The following RCN2 variants were observed in gnomAD, a reference collection of about 807,000 sequenced individuals.
The protein encoded by RCN2 is reticulocalbin-2.
In RCN2, 23 loss-of-function variants were observed where a neutral mutation model predicts 37.5. The ratio of observed to expected loss-of-function variants is 0.61; its 90% CI spans 0.44 to 0.87. The LOEUF is 0.87. Among genes scored for constraint, RCN2 ranks in the 40% least tolerant of loss-of-function variants. The probability of loss-of-function intolerance (pLI) is 0.00; values close to 1 mark genes in which losing one functional copy is unlikely to be tolerated. For synonymous variants in RCN2, 140 were observed against 144.6 expected, an observed-to-expected ratio of 0.97 and a Z score of 0.23; for missense variants, 381 against 390.4, an observed-to-expected ratio of 0.98 and a Z score of 0.20.
chr15:76,941,141 G>A (rs572017211), intron 3 of RCN2, among the ~76,000 whole-genome samples: 3 of 151,688 alleles, frequency 2.0e-5, no homozygotes, highest in Admixed American at 1.3e-4. Context: ...TCAAGCAATC[G>A]TCCTGCCTCA....
Position 76,954,330 on chromosome 15 carries a change from A to G in RCN2, c.*5108A>G, listed in dbSNP as rs534854776. The G allele has an allele frequency of 6.6e-6, 1 of 152,182 alleles. No individual in the cohort carries two copies. The highest frequency in any genetic ancestry group is 2.1e-4 in the South Asian group (1 of 4,832). The allele number at this position is 152,182 out of a possible 1,614,324, so 9.4% of individuals were successfully genotyped here. ...CCACTTAGAGTAAAAGTTTTTAAAC[A>G]ACTGTAAAAACTAATTTGCTTCATT... On this transcript the variant is annotated 3_prime_UTR_variant, in exon 7 of 7. Transcript: ENST00000394885.
chr15:76,948,709 A>G (rs2075306721), intron 6 of RCN2, 157 bp downstream of exon 6: 1 of 644,526 alleles, frequency 1.6e-6, no homozygotes, highest in Non-Finnish European at 2.5e-6. Flanking sequence ...AACTGTTTAG[A>G]TTGTCAGGGA....
At chr15:76,943,486 T>C in intron 3 of RCN2, 1 of 278,700 alleles carries the variant, frequency 3.6e-6, no homozygotes, top group Non-Finnish European at 6.7e-6. Flanking sequence ...CCCAGTTTGA[T>C]AGATGAGGAA....
At position 76,953,553 on chromosome 15, in the gene RCN2, T is replaced by TTA. The variant is rs1246807330; in HGVS notation, c.*4332_*4333insAT. The TTA allele has an allele frequency of 5.9e-4, 46 of 77,528 alleles. No homozygotes were observed. The highest frequency in any genetic ancestry group is 8.1e-4 in the Non-Finnish European group (34 of 42,220). 4.8% of individuals were successfully genotyped at this position (77,528 alleles called of 1,614,324 possible). On this transcript the variant is annotated 3_prime_UTR_variant, in exon 7 of 7. Transcript: ENST00000394885. ...GTGGGATTGCTGGATCATATAGTAATTCTATATATATATATATATATATAT... is the reference window on the plus strand; with the variant it reads ...GTGGGATTGCTGGATCATATAGTAATTATCTATATATATATATATATATATAT...
At chr15:76,943,560 G>T in intron 3 of RCN2, 198 bp from the exon 4 acceptor site, 1 of 402,604 alleles carries the variant, frequency 2.5e-6, no homozygotes, top group Non-Finnish European at 4.5e-6. Flanking sequence ...TGGAATTCAG[G>T]TCTGGGTCTA....
chr15:76,949,926 A>T lies in RCN2; in HGVS notation c.*704A>T, dbSNP rs1436197831. On this transcript the variant is annotated 3_prime_UTR_variant, in exon 7 of 7. Coordinates refer to ENST00000394885, the MANE Select transcript of RCN2 (RefSeq NM_002902.3). ...TGTATATGTTTGTTTGCTTTTCTTTAACTTTCAGATAAATATTGAATTTAG... is the reference window on the plus strand; with the variant it reads ...TGTATATGTTTGTTTGCTTTTCTTTTACTTTCAGATAAATATTGAATTTAG... 6.6e-6 allele frequency: 1 copy of T among 152,566 alleles called. No individual in the cohort carries two copies. Among genetic ancestry groups the T allele is most frequent in the Non-Finnish European group, 1.5e-5 (1 of 68,004 alleles). 9.5% of individuals were successfully genotyped at this position (152,566 alleles called of 1,614,324 possible).
At chr15:76,945,763 G>T (rs2152651490) in intron 4 of RCN2, among the ~76,000 whole-genome samples, 1 of 152,328 alleles carries the variant, frequency 6.6e-6, no homozygotes, top group South Asian at 2.1e-4. Flanking sequence ...GCATAACAAG[G>T]CTGCAGATAC....
intron 2 of RCN2, among the ~76,000 whole-genome samples, chr15:76,934,559 C>A (rs1312759171): frequency 3.3e-5 from 5 of 152,140 alleles, no homozygotes; most frequent in Admixed American, 6.5e-5. Context: ...AAATTGCTAC[C>A]CATAACTTCG....
In RCN2 at chr15:76,931,831, G is replaced by C. The variant is rs2075223509; in HGVS notation, c.-11G>C. On this transcript the variant is annotated 5_prime_UTR_variant, in exon 1 of 7. Coordinates refer to ENST00000394885, the MANE Select transcript of RCN2 (RefSeq NM_002902.3). ...CCTCGCGTCCCTCGGTGTCCTCCGC[G>C]GGCCGGCGCGATGCGGCTGGGCCCG... is the stretch of plus-strand genomic sequence containing the variant. The C allele has an allele frequency of 8.2e-7, 1 of 1,222,014 alleles. No individual in the cohort carries two copies. The highest frequency in any genetic ancestry group is 3.5e-5 in the East Asian group (1 of 28,462). 75.7% of individuals were successfully genotyped at this position (1,222,014 alleles called of 1,614,324 possible).
chr15:76,947,599 C>A, intron 5 of RCN2, 82 bp downstream of exon 5: 1 of 863,344 alleles, frequency 1.2e-6, no homozygotes, highest in African/African-American at 1.7e-5. Context: ...TGAAAGCTCT[C>A]TTCAACAGGA....
chr15:76,948,590 C>A (rs760072818), intron 6 of RCN2, 38 bp downstream of exon 6: 1 of 1,471,838 alleles, frequency 6.8e-7, no homozygotes, highest in Non-Finnish European at 9.1e-7. Context: ...TCCACCCCCT[C>A]CCCCCGAATT....
chr15:76,941,761 T>C (rs1039625889), intron 3 of RCN2: 6 of 341,724 alleles, frequency 1.8e-5, no homozygotes, highest in South Asian at 7.4e-5. Context: ...CCCCCTTCAC[T>C]TTTTTTTTTT....
Position 76,952,097 on chromosome 15 carries a change from A to AT in RCN2, c.*2876dup, listed in dbSNP as rs1170799633. 6.6e-6 allele frequency: 1 copy of AT among 150,992 alleles called. No homozygotes were observed. The highest frequency in any genetic ancestry group is 1.5e-5 in the Non-Finnish European group (1 of 67,936). The allele number at this position is 150,992 out of a possible 1,614,324, so 9.4% of individuals were successfully genotyped here. On this transcript the variant is annotated 3_prime_UTR_variant, in exon 7 of 7. Transcript: ENST00000394885. ...AAAAAGTAGTATAGAGAGTTTCAAT[A>AT]TGTCCCCTGCCCCACATACGTACAG...
At position 76,933,164 on chromosome 15, in the gene RCN2, C is replaced by T. The variant is rs115893015; in HGVS notation, c.250+698C>T. Reference sequence around the variant, plus strand: ...TTAAAAGAATGTTCTAAATAAATTGCTGTGCAGTTGTCTCTCCCCATTGTT... The same window carrying T: ...TTAAAAGAATGTTCTAAATAAATTGTTGTGCAGTTGTCTCTCCCCATTGTT... On this transcript the variant is annotated intron_variant, in intron 2 of 6. Transcript: ENST00000394885. Among the ~76,000 whole-genome samples the T allele has an allele frequency of 2.8e-3, 430 of 152,270 alleles. 1 individual carries two copies. Among genetic ancestry groups the T allele is most frequent in the African/African-American group, 9.9e-3 (413 of 41,548 alleles).
chr15:76,948,938 C>T, intron 6 of RCN2, 132 bp from the exon 7 acceptor site: 1 of 826,034 alleles, frequency 1.2e-6, no homozygotes, highest in Non-Finnish European at 1.9e-6. Flanking sequence ...CAACGTGTAA[C>T]ATTTTTAGAT....
chr15:76,943,942 G>T, intron 4 of RCN2, 71 bp downstream of exon 4: 1 of 683,968 alleles, frequency 1.5e-6, no homozygotes, highest in Non-Finnish European at 2.4e-6. Context: ...TAAAATTTTT[G>T]TGGGTACATA....
At position 76,949,622 on chromosome 15, in the gene RCN2, G is replaced by A. The variant is rs2075311094; in HGVS notation, c.*400G>A. On this transcript the variant is annotated 3_prime_UTR_variant, in exon 7 of 7. Coordinates refer to ENST00000394885, the MANE Select transcript of RCN2 (RefSeq NM_002902.3). ...TTTTGTTCTAAGTAGATTTAATTTG[G>A]GAACTGACAGGACAATGTTTTTAGG... 2 of 153,254 alleles carry A rather than the reference G, an allele frequency of 1.3e-5. No homozygotes were observed. The highest frequency in any genetic ancestry group is 1.3e-4 in the Admixed American group (2 of 15,292). The allele number at this position is 153,254 out of a possible 1,614,324, so 9.5% of individuals were successfully genotyped here. A position where few individuals can be genotyped will look rare whatever the true frequency, so the allele number is the denominator to read the frequency against.
Position 76,949,948 on chromosome 15 carries a change from T to A in RCN2, c.*726T>A, listed in dbSNP as rs909298585. 6.6e-6 allele frequency: 1 copy of A among 152,424 alleles called. No individual in the cohort carries two copies. Among genetic ancestry groups the A allele is most frequent in the Non-Finnish European group, 1.5e-5 (1 of 68,032 alleles). 9.4% of individuals were successfully genotyped at this position (152,424 alleles called of 1,614,324 possible). On this transcript the variant is annotated 3_prime_UTR_variant, in exon 7 of 7. Transcript: ENST00000394885. ...TTTAACTTTCAGATAAATATTGAAT[T>A]TAGCATAGGTTTTGTGGTATTGTAC...
In RCN2 at chr15:76,949,092, T is replaced by A; in HGVS notation, c.824T>A (p.Met275Lys). ...QEEALHLIDEMDLNGDKKLSE... is the reference protein window; with the variant it reads ...QEEALHLIDEKDLNGDKKLSE... ...AAGGCGCTTCATCTAATTGATGAAA[T>A]GGATTTGAATGGTGACAAAAAGCTC... Residue 275 changes from methionine to lysine, a missense_variant, in exon 7 of 7, where the codon ATG becomes AAG. Coordinates refer to ENST00000394885, the MANE Select transcript of RCN2 (RefSeq NM_002902.3). 6.2e-7 allele frequency: 1 copy of A among 1,602,196 alleles called. No individual in the cohort carries two copies. Among genetic ancestry groups the A allele is most frequent in the Non-Finnish European group, 8.5e-7 (1 of 1,176,464 alleles).
Sources: gnomAD v4.1 joint callset for allele counts (sites outside exome capture counted in the v4.1 genomes callset) on GRCh38, gnomAD v4.1.1 for gene constraint, MANE v1.5 for transcripts, NCBI Gene and HGNC (gene_info 2026-07-23, HGNC 2026-07-21) for gene names.